SLC17A8: variants seen among roughly 807,000 people sequenced by gnomAD.
SLC17A8 encodes vesicular glutamate transporter 3.
Under a neutral mutation model 58.0 loss-of-function variants are expected in SLC17A8, and 31 were observed. The observed-to-expected ratio is 0.53, with a 90% CI of 0.40 to 0.72. The LOEUF (loss-of-function observed/expected upper bound fraction) is 0.72. Among genes scored for constraint, SLC17A8 ranks in the 30% least tolerant of loss-of-function variants. The pLI, the probability that SLC17A8 is intolerant of heterozygous loss-of-function variation, is 0.00. For missense variants in SLC17A8, 655 were observed against 727.8 expected (o/e 0.90, Z 1.15); for synonymous variants, 228 against 249.0 (o/e 0.92, Z 0.79).
chr12:100,412,043 C>T (rs998303168), intron 9 of SLC17A8, among the ~76,000 whole-genome samples: 5 of 151,960 alleles, frequency 3.3e-5, no homozygotes, highest in African/African-American at 1.2e-4. Context: ...AGGGAAAGGC[C>T]ATAACTAGTC....
intron 10 of SLC17A8, among the ~76,000 whole-genome samples, chr12:100,416,270 C>T (rs1952905890): frequency 6.6e-6 from 1 of 152,194 alleles, no homozygotes; most frequent in Non-Finnish European, 1.5e-5. Flanking sequence ...GGCTTTGTAT[C>T]AGAGCATAAT....
At chr12:100,415,452 AG>A (rs1159172346) in intron 10 of SLC17A8, among the ~76,000 whole-genome samples, 10 of 142,732 alleles carry the variant, frequency 7.0e-5, no homozygotes, top group Admixed American at 3.5e-4. Context: ...AAAAAAAAAT[AG>A]ACAGGGTCTC....
Position 100,364,831 on chromosome 12 carries a change from C to G in SLC17A8, c.101+7339C>G, listed in dbSNP as rs542927964. On this transcript the variant is annotated intron_variant, in intron 1 of 11. Coordinates refer to ENST00000323346, the MANE Select transcript of SLC17A8 (RefSeq NM_139319.3). Reference sequence around the variant, plus strand: ...TCATACAAAATGTGTGGCCAGGAGACTGCTCAAAACTCTGCCTATTGGGAG... The same window carrying G: ...TCATACAAAATGTGTGGCCAGGAGAGTGCTCAAAACTCTGCCTATTGGGAG... Among the ~76,000 whole-genome samples, 4 of 152,302 alleles carry G rather than the reference C, an allele frequency of 2.6e-5. No individual in the cohort carries two copies. The East Asian group carries it at 7.7e-4, about 29-fold the overall frequency.
intron 3 of SLC17A8, among the ~76,000 whole-genome samples, chr12:100,392,140 T>C (rs1358320773): frequency 6.6e-6 from 1 of 152,180 alleles, no homozygotes; most frequent in Non-Finnish European, 1.5e-5. Flanking sequence ...CCAATTGTAT[T>C]TCCCATATGA....
chr12:100,410,203 T>C (rs1952856863), intron 9 of SLC17A8, among the ~76,000 whole-genome samples: 1 of 152,070 alleles, frequency 6.6e-6, no homozygotes, highest in African/African-American at 2.4e-5. Context: ...CTACTAAAAA[T>C]ACAAAAATTA....
Position 100,420,175 on chromosome 12 carries a change from T to C in SLC17A8, c.*16T>C. 6.3e-7 allele frequency: 1 copy of C among 1,591,898 alleles called. No homozygotes were observed. Among genetic ancestry groups the C allele is most frequent in the South Asian group, 1.1e-5 (1 of 89,012 alleles). On this transcript the variant is annotated 3_prime_UTR_variant, in exon 12 of 12. Transcript: ENST00000323346. Reference sequence around the variant, plus strand: ...TATATCCTAATGTCTGAGAGGCACTTCTGTCTTCTCCTTACTTTAGAAACA... The same window carrying C: ...TATATCCTAATGTCTGAGAGGCACTCCTGTCTTCTCCTTACTTTAGAAACA...
chr12:100,392,780 C>T (rs1408771090), intron 3 of SLC17A8, among the ~76,000 whole-genome samples: 1 of 152,176 alleles, frequency 6.6e-6, no homozygotes, highest in Non-Finnish European at 1.5e-5. Flanking sequence ...CACAACCTGT[C>T]TTGTGCTTGG....
At position 100,412,762 on chromosome 12, in the gene SLC17A8, AT is replaced by A. The variant is rs1952879079; in HGVS notation, c.1187-5del. On this transcript the variant is annotated splice_polypyrimidine_tract_variant and splice_region_variant and intron_variant, in intron 9 of 11. Coordinates refer to ENST00000323346, the MANE Select transcript of SLC17A8 (RefSeq NM_139319.3). Reference sequence around the variant, plus strand: ...GACATTTTTTTCCCTTGCTGTTTCCATTTGCAGGTTTTGGCATGGAGGCAAC... The same window carrying A: ...GACATTTTTTTCCCTTGCTGTTTCCATTGCAGGTTTTGGCATGGAGGCAAC... 2 of 1,602,924 alleles carry A rather than the reference AT, an allele frequency of 1.2e-6. No homozygotes were observed. The highest frequency in any genetic ancestry group is 1.7e-5 in the Admixed American group (1 of 59,952).
chr12:100,393,229 G>A, intron 3 of SLC17A8, 140 bp from the exon 4 acceptor site: 1 of 627,970 alleles, frequency 1.6e-6, no homozygotes, highest in Non-Finnish European at 3.0e-6. Context: ...CTCCCAAAGT[G>A]CTGGGATTAC....
At chr12:100,357,568 G>A in intron 1 of SLC17A8, 76 bp downstream of exon 1, 1 of 1,018,486 alleles carries the variant, frequency 9.8e-7, no homozygotes, top group Non-Finnish European at 1.6e-6. Flanking sequence ...TTGGTATCAC[G>A]TTTTTAAAAC....
chr12:100,373,626 C>G (rs1036157703), intron 1 of SLC17A8, among the ~76,000 whole-genome samples: 3 of 149,132 alleles, frequency 2.0e-5, no homozygotes, highest in Non-Finnish European at 4.4e-5. Context: ...GCTCTGTCAC[C>G]CAGGCTGGAG....
chr12:100,413,001 C>T, intron 10 of SLC17A8, 121 bp downstream of exon 10: 1 of 809,460 alleles, frequency 1.2e-6, no homozygotes, highest in East Asian at 2.5e-5. Flanking sequence ...GAGAGCAGGA[C>T]CACCGTCCAG....
At chr12:100,375,965 G>A (rs547996947) in intron 1 of SLC17A8, among the ~76,000 whole-genome samples, 48 of 152,280 alleles carry the variant, frequency 3.2e-4, no homozygotes, top group East Asian at 2.7e-3. Flanking sequence ...TTTGGAGATA[G>A]GGTCTTTAAA....
At chr12:100,402,092 A>C (rs953274529) in intron 6 of SLC17A8, among the ~76,000 whole-genome samples, 19 of 152,244 alleles carry the variant, frequency 1.2e-4, no homozygotes, top group Non-Finnish European at 2.6e-4. Flanking sequence ...GAGGAACGTC[A>C]ACAAAATACT....
intron 2 of SLC17A8, among the ~76,000 whole-genome samples, chr12:100,389,831 T>TTATTATTATTATTAC (rs945008926): frequency 6.7e-6 from 1 of 150,256 alleles, no homozygotes; most frequent in East Asian, 2.0e-4. Context: ...ATTATTATTA[T>TTATTATTATTATTAC]TACTATTGAG....
Position 100,396,583 on chromosome 12 carries a change from T to TA in SLC17A8, c.676+183dup, listed in dbSNP as rs146805348. Among the ~76,000 whole-genome samples, 3,633 of 138,994 alleles carry TA rather than the reference T, an allele frequency of 0.026. 49 individuals are homozygous for TA. The highest frequency in any genetic ancestry group is 0.031 in the Non-Finnish European group (1,998 of 63,798). The allele number at this position is 138,994 out of a possible 152,430, so 91.2% of individuals were successfully genotyped here. A position where few individuals can be genotyped will look rare whatever the true frequency, so the allele number is the denominator to read the frequency against. On this transcript the variant is annotated intron_variant, in intron 5 of 11. Coordinates refer to ENST00000323346, the MANE Select transcript of SLC17A8 (RefSeq NM_139319.3). ...GGACAATATAGTGACACTTCGTCTT[T>TA]AAAAAAAAAAAAAAAAATTAGCCGA...
intron 1 of SLC17A8, among the ~76,000 whole-genome samples, chr12:100,374,052 T>C (rs1952577303): frequency 1.3e-5 from 2 of 152,192 alleles, no homozygotes; most frequent in South Asian, 2.1e-4. Context: ...TTGGTGATAA[T>C]GTGTTAGTCT....
intron 9 of SLC17A8, among the ~76,000 whole-genome samples, chr12:100,412,167 G>A (rs1952873382): frequency 6.6e-6 from 1 of 152,080 alleles, no homozygotes; most frequent in Non-Finnish European, 1.5e-5. Context: ...GAGCATCATT[G>A]GAACCTATTG....
Position 100,420,076 on chromosome 12 carries a change from A to G in SLC17A8, c.1687A>G (p.Lys563Glu), listed in dbSNP as rs1230016982. The change falls in exon 12 of 12, where the codon AAA becomes GAA. Residue 563 changes from lysine to glutamate, a missense_variant. By Grantham distance (56) the Lys-to-Glu change is moderately conservative (BLOSUM62 1). Transcript: ENST00000323346. ...QNCEVQKKEWKGQRGATLDEE... is the reference protein window; with the variant it reads ...QNCEVQKKEWEGQRGATLDEE... ...TTGTGAAGTCCAGAAGAAGGAATGG[A>G]AAGGACAGAGAGGAGCGACCCTTGA... is the stretch of plus-strand genomic sequence containing the variant. The G allele has an allele frequency of 1.9e-6, 3 of 1,613,962 alleles. No individual in the cohort carries two copies. In the African/African-American group the frequency reaches 4.0e-5, roughly 22 times the overall value.
Sources: allele counts gnomAD v4.1 joint callset (sites outside exome capture counted in the v4.1 genomes callset), GRCh38; gene constraint gnomAD v4.1.1; transcripts MANE v1.5; gene names NCBI Gene and HGNC (gene_info 2026-07-23, HGNC 2026-07-21).